The following CNKSR3 variants were observed in gnomAD, a reference collection of about 807,000 sequenced individuals.
The protein encoded by CNKSR3 is CNKSR family member 3.
Under a neutral mutation model 67.7 loss-of-function variants are expected in CNKSR3, and 36 were observed. The ratio of observed to expected loss-of-function variants is 0.53; its 90% CI spans 0.41 to 0.70. CNKSR3 has a LOEUF of 0.70. CNKSR3 is among the 30% of genes least tolerant of loss of function. The pLI is 0.00. For synonymous variants in CNKSR3, 281 were observed against 271.4 expected, an observed-to-expected ratio of 1.04 and a Z score of -0.35; for missense variants, 630 against 695.2, an observed-to-expected ratio of 0.91 and a Z score of 1.05.
intron 1 of CNKSR3, among the ~76,000 whole-genome samples, chr6:154,509,821 C>T (rs2114669057): frequency 6.6e-6 from 1 of 152,312 alleles, no homozygotes; most frequent in Middle Eastern, 3.4e-3. Context: ...GCCACCCCTA[C>T]TCCCTGGTTT....
intron 12 of CNKSR3, among the ~76,000 whole-genome samples, chr6:154,407,328 C>A (rs1356296272): frequency 6.6e-6 from 1 of 152,130 alleles, no homozygotes; most frequent in Non-Finnish European, 1.5e-5. Flanking sequence ...AGTGATCCTG[C>A]CCTAACTGCC....
intron 1 of CNKSR3, among the ~76,000 whole-genome samples, chr6:154,490,014 C>T (rs770555877): frequency 1.5e-4 from 23 of 152,160 alleles, no homozygotes; most frequent in Non-Finnish European, 2.5e-4. Context: ...CATCATGGCT[C>T]CCCTTTCCTC....
chr6:154,441,323 A>C lies in CNKSR3; in HGVS notation c.476T>G (p.Leu159Arg). Residue 159 changes from leucine (L) to arginine (R), a missense_variant, in exon 4 of 13, where the codon CTT becomes CGT. By Grantham distance (102) the Leu-to-Arg change is moderately radical (BLOSUM62 -2). Coordinates refer to ENST00000607772, the MANE Select transcript of CNKSR3 (RefSeq NM_173515.4). ...GACTGTAGTGGTCAGGTCCAAGCAA[A>C]GCTGGATAATTTTGTTCTTCGTGAC... Reference protein sequence around the residue: ...FSVTKNKIIQLCLDLTTTVQK... With the variant: ...FSVTKNKIIQRCLDLTTTVQK... 1.2e-6 allele frequency: 2 copies of C among 1,613,754 alleles called. No homozygotes were observed. Among genetic ancestry groups the C allele is most frequent in the Non-Finnish European group, 1.7e-6 (2 of 1,179,880 alleles).
chr6:154,474,643 G>T (rs1031037282), intron 1 of CNKSR3, among the ~76,000 whole-genome samples: 2 of 152,180 alleles, frequency 1.3e-5, no homozygotes, highest in African/African-American at 4.8e-5. Context: ...AGGCAGCTGG[G>T]CCATCCGGAT....
At chr6:154,429,697 G>C (rs1785325615) in intron 6 of CNKSR3, among the ~76,000 whole-genome samples, 1 of 152,050 alleles carries the variant, frequency 6.6e-6, no homozygotes, top group African/African-American at 2.4e-5. Flanking sequence ...CTATACATTA[G>C]ATACTTTCCC....
In CNKSR3 at chr6:154,442,135, C is replaced by A. The variant is rs1785606555; in HGVS notation, c.372G>T (p.Val124=). The part of the protein sequence containing the change: ...RKAPNEFLTS[V]VELIGAAKAL... ...CCTTGGCGGCGCCGATGAGCTCCAC[C>A]ACCGAGGTCAGGAACTCATTGGGGG... The change falls in exon 3 of 13, where the codon GTG becomes GTT. Residue 124 remains valine (V), a synonymous_variant. Coordinates refer to ENST00000607772, the MANE Select transcript of CNKSR3 (RefSeq NM_173515.4). The A allele has an allele frequency of 6.2e-7, 1 of 1,613,446 alleles. No homozygotes were observed.
At chr6:154,412,916 G>A (rs1021540277) in intron 10 of CNKSR3, among the ~76,000 whole-genome samples, 7 of 152,132 alleles carry the variant, frequency 4.6e-5, no homozygotes, top group Non-Finnish European at 7.4e-5. Context: ...GACCGAGTCT[G>A]TTTTGTGTCA....
chr6:154,393,338 A>T lies in CNKSR3; in HGVS notation c.*13016T>A, dbSNP rs1047017901. 2.0e-5 allele frequency: 3 copies of T among 152,190 alleles called. No homozygotes were observed. Among genetic ancestry groups the T allele is most frequent in the Admixed American group, 2.0e-4 (3 of 15,276 alleles). The allele number at this position is 152,190 out of a possible 1,614,324, so 9.4% of individuals were successfully genotyped here. ...TATACCAGATCCCACTGATCGTTCTAGGATATCCTCCAAGTATTTTCTAAT... is the reference window on the plus strand; with the variant it reads ...TATACCAGATCCCACTGATCGTTCTTGGATATCCTCCAAGTATTTTCTAAT... On this transcript the variant is annotated 3_prime_UTR_variant, in exon 13 of 13. Coordinates refer to ENST00000607772, the MANE Select transcript of CNKSR3 (RefSeq NM_173515.4).
At chr6:154,428,713 A>C (rs1254477773) in intron 6 of CNKSR3, among the ~76,000 whole-genome samples, 1 of 150,290 alleles carries the variant, frequency 6.7e-6, no homozygotes, top group Non-Finnish European at 1.5e-5. Context: ...TAGAGAAAGG[A>C]TCTCACTATG....
chr6:154,490,541 A>C (rs1431189548), intron 1 of CNKSR3, among the ~76,000 whole-genome samples: 2 of 152,272 alleles, frequency 1.3e-5, no homozygotes, highest in African/African-American at 2.4e-5. Context: ...CACACAATAC[A>C]TAGATACAAA....
chr6:154,459,551 C>T (rs749776421), intron 1 of CNKSR3, among the ~76,000 whole-genome samples: 1 of 152,182 alleles, frequency 6.6e-6, no homozygotes, highest in Non-Finnish European at 1.5e-5. Context: ...GTAATGAGCC[C>T]ACAGCTTCAA....
rs1784616879 is a variant in CNKSR3 at position 154,392,333 on chromosome 6, C to A, written c.*14021G>T. On this transcript the variant is annotated 3_prime_UTR_variant, in exon 13 of 13. Transcript: ENST00000607772. ...GTAATTTATTCATTTTTACTTGCTG[C>A]AGAATATTCCATGGTAAGAATATAC... The A allele has an allele frequency of 6.6e-6, 1 of 152,178 alleles. No homozygotes were observed. 9.4% of individuals were successfully genotyped at this position (152,178 alleles called of 1,614,324 possible). A position where few individuals can be genotyped will look rare whatever the true frequency, so the allele number is the denominator to read the frequency against.
intron 5 of CNKSR3, among the ~76,000 whole-genome samples, chr6:154,431,535 C>T (rs116131009): frequency 0.013 from 1,953 of 151,154 alleles, 16 homozygotes; most frequent in Middle Eastern, 0.021. Context: ...TATTAGGGTT[C>T]ACTTTTTGTG....
chr6:154,454,835 T>C (rs71573685), intron 1 of CNKSR3, among the ~76,000 whole-genome samples: 1 of 151,380 alleles, frequency 6.6e-6, no homozygotes, highest in Non-Finnish European at 1.5e-5. Context: ...AAAAAAAAAA[T>C]AATAATAAAA....
At position 154,428,151 on chromosome 6, in the gene CNKSR3, C is replaced by T. The variant is rs753657137; in HGVS notation, c.706G>A (p.Val236Met). The T allele has an allele frequency of 9.9e-6, 16 of 1,609,476 alleles. No individual in the cohort carries two copies. Among genetic ancestry groups the T allele is most frequent in the East Asian group, 2.2e-5 (1 of 44,840 alleles). ...ACATTTTCTGTGGTTCCAGTAATCA[C>T]GTGTAACCCATCATAGGTTGATTTG... is the stretch of plus-strand genomic sequence containing the variant. Reference protein sequence around the residue: ...YIKSTYDGLHVITGTTENSPA... With the variant: ...YIKSTYDGLHMITGTTENSPA... Residue 236 changes from valine to methionine, a missense_variant, in exon 7 of 13, where the codon GTG (valine) becomes ATG (methionine). Around this residue, in one of 3 missense-constraint regions of CNKSR3, gnomAD observed 133 missense variants for 190.6 expected, o/e 0.70. Coordinates refer to ENST00000607772, the MANE Select transcript of CNKSR3 (RefSeq NM_173515.4).
At chr6:154,479,219 A>AG (rs1246779102) in intron 1 of CNKSR3, among the ~76,000 whole-genome samples, 1 of 112,046 alleles carries the variant, frequency 8.9e-6, no homozygotes, top group Non-Finnish European at 2.0e-5. Flanking sequence ...GATTCAGAGA[A>AG]AAAAAAAAAA....
Position 154,406,328 on chromosome 6 carries a change from G to A in CNKSR3, c.*26C>T. ...AGCAAGGCACTTGGGGCAGGAGCCA[G>A]GCAGGTGGCCTGAGCAGGGTCCCTC... On this transcript the variant is annotated 3_prime_UTR_variant, in exon 13 of 13. Transcript: ENST00000607772. 1 of 1,590,356 alleles carries A rather than the reference G, an allele frequency of 6.3e-7. No individual in the cohort carries two copies. The highest frequency in any genetic ancestry group is 8.6e-7 in the Non-Finnish European group (1 of 1,168,128).
At chr6:154,480,802 T>C (rs1413881995) in intron 1 of CNKSR3, among the ~76,000 whole-genome samples, 2 of 152,212 alleles carry the variant, frequency 1.3e-5, no homozygotes, top group Non-Finnish European at 2.9e-5. Flanking sequence ...TGCCACCATA[T>C]CTCGCAATTA....
chr6:154,424,756 G>GT (rs201362803), intron 7 of CNKSR3, among the ~76,000 whole-genome samples: 3,931 of 151,946 alleles, frequency 0.026, 84 homozygotes, highest in Non-Finnish European at 0.043. Context: ...TTTCTGTTTT[G>GT]TTTTTTTGTT....
Sources: allele counts gnomAD v4.1 joint callset (sites outside exome capture counted in the v4.1 genomes callset), GRCh38; gene constraint gnomAD v4.1.1; regional missense constraint gnomAD v4.1.1; transcripts MANE v1.5; gene names NCBI Gene and HGNC (gene_info 2026-07-23, HGNC 2026-07-21).